Variants in GATA4 observed in about 807,000 individuals in gnomAD.
GATA4 encodes the protein transcription factor GATA-4.
A neutral mutation model predicts 37.9 loss-of-function variants in GATA4; 7 were observed. The ratio of observed to expected loss-of-function variants is 0.18; its 90% CI spans 0.11 to 0.35. The LOEUF is 0.35. Among genes scored for constraint, GATA4 ranks in the 10% least tolerant of loss-of-function variants. The pLI is 1.00. For missense variants in GATA4, 647 were observed against 653.0 expected (o/e 0.99, Z 0.10); for synonymous variants, 372 against 292.6 (o/e 1.27, Z -2.77).
upstream of GATA4, among the ~76,000 whole-genome samples, chr8:11,702,599 A>G (rs1473508627): frequency 6.7e-6 from 1 of 150,060 alleles, no homozygotes; most frequent in East Asian, 2.0e-4. This position sits in a 1 kb window ranked among gnomAD's most constrained non-coding sequence, Gnocchi z 4.4. Context: ...GGCCTCCGAG[A>G]TCCCCAGCAC....
chr8:11,755,447 C>T (rs1231280863), intron 5 of GATA4, among the ~76,000 whole-genome samples: 1 of 152,234 alleles, frequency 6.6e-6, no homozygotes, highest in South Asian at 2.1e-4. Context: ...GTCCTTTCAT[C>T]TTTGGCGCTG....
At chr8:11,701,433 C>T (rs950303855), upstream of GATA4, among the ~76,000 whole-genome samples, 1 of 152,232 alleles carries the variant, frequency 6.6e-6, no homozygotes, top group East Asian at 1.9e-4. Context: ...GCCCCCCTTC[C>T]CAGCGGCCTC....
upstream of GATA4, among the ~76,000 whole-genome samples, chr8:11,690,628 A>T (rs1035066611): frequency 7.2e-5 from 11 of 152,212 alleles, no homozygotes; most frequent in African/African-American, 2.7e-4. Flanking sequence ...CTGGAGGTTA[A>T]GCAAGAGGGC....
chr8:11,677,530 A>G (rs935854375), intron 1 of GATA4, among the ~76,000 whole-genome samples: 3 of 152,206 alleles, frequency 2.0e-5, no homozygotes, highest in South Asian at 4.2e-4. Flanking sequence ...GAACACCCAA[A>G]TCCCCTGGGG....
chr8:11,754,916 C>A, intron 4 of GATA4, 130 bp from the exon 5 acceptor site: 1 of 730,192 alleles, frequency 1.4e-6, no homozygotes, highest in Non-Finnish European at 2.4e-6. Flanking sequence ...CCTGTGCAGC[C>A]CGTCTGGGCC....
chr8:11,710,753 A>G (rs991173117), intron 2 of GATA4, among the ~76,000 whole-genome samples: 3 of 151,348 alleles, frequency 2.0e-5, no homozygotes, highest in African/African-American at 7.3e-5. Context: ...AACCCCGACA[A>G]TCCTGGAGGG....
intron 2 of GATA4, among the ~76,000 whole-genome samples, chr8:11,713,914 A>G (rs1180282672): frequency 6.6e-6 from 1 of 152,122 alleles, no homozygotes; most frequent in Admixed American, 6.5e-5. Context: ...TAAAGAACCC[A>G]GTCACGGTGG....
At chr8:11,748,891 T>C in intron 2 of GATA4, 25 bp from the exon 3 acceptor site, 1 of 1,613,914 alleles carries the variant, frequency 6.2e-7, no homozygotes, top group East Asian at 2.2e-5. Context: ...TCTGTGTCTT[T>C]TCTTGTCTGT....
At chr8:11,706,819 C>T (rs1241363065) in intron 1 of GATA4, among the ~76,000 whole-genome samples, 7 of 152,050 alleles carry the variant, frequency 4.6e-5, no homozygotes, top group Admixed American at 1.3e-4. Context: ...TTCCAGTGCT[C>T]CAGTTCCCTC....
At chr8:11,698,854 C>T (rs139751134) in intron 1 of GATA4, among the ~76,000 whole-genome samples, 73 of 152,198 alleles carry the variant, frequency 4.8e-4, no homozygotes, top group African/African-American at 1.5e-3. Context: ...GGTTTGTAGG[C>T]GATAGCAGCT....
At chr8:11,686,917 G>A (rs1799154611) in intron 1 of GATA4, among the ~76,000 whole-genome samples, 1 of 151,662 alleles carries the variant, frequency 6.6e-6, no homozygotes. Flanking sequence ...AAAACCACTT[G>A]AACCCGGGAG....
chr8:11,755,522 G>A (rs1802514797), intron 5 of GATA4, among the ~76,000 whole-genome samples: 1 of 152,170 alleles, frequency 6.6e-6, no homozygotes, highest in South Asian at 2.1e-4. Context: ...GGAGGGCAGG[G>A]TCCAATTAAT....
intron 2 of GATA4, among the ~76,000 whole-genome samples, chr8:11,727,672 G>C (rs977053780): frequency 6.6e-6 from 1 of 152,044 alleles, no homozygotes; most frequent in African/African-American, 2.4e-5. Flanking sequence ...ATGAAACCCT[G>C]TCTCTACTAA....
chr8:11,732,596 T>C (rs1285522516), intron 2 of GATA4, among the ~76,000 whole-genome samples: 1 of 152,190 alleles, frequency 6.6e-6, no homozygotes, highest in Admixed American at 6.5e-5. Context: ...ATGTGATTGA[T>C]TGCCATAAAG....
At chr8:11,722,012 A>T (rs899615514) in intron 2 of GATA4, among the ~76,000 whole-genome samples, 1 of 152,166 alleles carries the variant, frequency 6.6e-6, no homozygotes, top group Non-Finnish European at 1.5e-5. Flanking sequence ...CCTTTTAAAT[A>T]GGTTAAAAAA....
At chr8:11,756,574 T>A in intron 5 of GATA4, 1 of 361,782 alleles carries the variant, frequency 2.8e-6, no homozygotes, top group Non-Finnish European at 5.3e-6. Flanking sequence ...TGTTTTGCTG[T>A]GGGGATATTA....
upstream of GATA4, among the ~76,000 whole-genome samples, chr8:11,701,208 A>G (rs1489778708): frequency 1.3e-5 from 2 of 150,752 alleles, no homozygotes; most frequent in Non-Finnish European, 2.9e-5. Flanking sequence ...CTAAAATCTG[A>G]CGACCTGACA....
intron 2 of GATA4, among the ~76,000 whole-genome samples, chr8:11,726,851 C>T (rs572805376): frequency 6.6e-6 from 1 of 152,206 alleles, no homozygotes; most frequent in Non-Finnish European, 1.5e-5. Context: ...TCTTTACATT[C>T]CATCAGTGTT....
intron 2 of GATA4, among the ~76,000 whole-genome samples, chr8:11,739,181 T>G (rs896720375): frequency 6.6e-6 from 1 of 152,246 alleles, no homozygotes; most frequent in Non-Finnish European, 1.5e-5. Flanking sequence ...GCTTGCTTAA[T>G]TAACTGCATA....
Sources: allele counts gnomAD v4.1 joint callset (sites outside exome capture counted in the v4.1 genomes callset), GRCh38; gene constraint gnomAD v4.1.1; non-coding constraint Gnocchi (gnomAD v3.1); transcripts MANE v1.5; gene names NCBI Gene and HGNC (gene_info 2026-07-23, HGNC 2026-07-21).